PTGER3: variants seen among roughly 807,000 people sequenced by gnomAD.
PTGER3 encodes prostaglandin E receptor 3, also known as prostaglandin E2 receptor EP3 subtype.
In PTGER3, 22 loss-of-function variants were observed where a neutral mutation model predicts 34.7. The ratio of observed to expected loss-of-function variants is 0.63; its 90% CI spans 0.45 to 0.91. The LOEUF (loss-of-function observed/expected upper bound fraction) is 0.91, where lower values mean the gene tolerates loss of function less well. Ranked by LOEUF, PTGER3 falls within the 40% of genes least tolerant of loss-of-function variation. The probability of loss-of-function intolerance (pLI) is 0.00; values close to 1 mark genes in which losing one functional copy is unlikely to be tolerated. For synonymous variants in PTGER3, 241 were observed against 230.1 expected, an observed-to-expected ratio of 1.05 and a Z score of -0.43; for missense variants, 468 against 519.4, an observed-to-expected ratio of 0.90 and a Z score of 0.96.
intron 4 of PTGER3, among the ~76,000 whole-genome samples, chr1:70,872,777 C>T (rs1156345619): frequency 6.6e-6 from 1 of 152,198 alleles, no homozygotes; most frequent in Non-Finnish European, 1.5e-5. Flanking sequence ...ACTACTGGGA[C>T]TTGCCACACC....
chr1:70,858,706 T>A (rs1207962544), intron 4 of PTGER3, among the ~76,000 whole-genome samples: 1 of 152,174 alleles, frequency 6.6e-6, no homozygotes, highest in Non-Finnish European at 1.5e-5. Flanking sequence ...AACATTTTTA[T>A]CAATATGCCC....
chr1:70,858,803 A>T (rs1645865819), intron 4 of PTGER3, among the ~76,000 whole-genome samples: 1 of 152,240 alleles, frequency 6.6e-6, no homozygotes, highest in East Asian at 1.9e-4. Context: ...TAGAGGTAAT[A>T]TCTGTTTCAA....
intron 1 of PTGER3, among the ~76,000 whole-genome samples, chr1:71,036,211 C>T (rs150212722): frequency 1.2e-3 from 181 of 152,238 alleles, no homozygotes; most frequent in Non-Finnish European, 2.1e-3. Context: ...GTAGATGGTG[C>T]TTAAGGGGCC....
At chr1:70,872,648 A>G (rs1346244699) in intron 4 of PTGER3, among the ~76,000 whole-genome samples, 1 of 152,230 alleles carries the variant, frequency 6.6e-6, no homozygotes, top group Non-Finnish European at 1.5e-5. Flanking sequence ...TTTGTGTAGC[A>G]TATATGACAT....
chr1:70,953,046 A>ACTAATT lies in PTGER3; in HGVS notation c.1117_1118insAATTAG (p.Leu373delinsTer), dbSNP rs1439046019. On this transcript the variant is annotated stop_gained, in exon 4 of 4. Coordinates refer to the PTGER3 transcript ENST00000356595. LOFTEE classifies it low-confidence loss of function (END_TRUNC). ...TGCCCTCTGTATCTGAGAGTTCTGCAAACTGCAGATTAACTAACCACAGAT... is the reference window on the plus strand; with the variant it reads ...TGCCCTCTGTATCTGAGAGTTCTGCACTAATTAACTGCAGATTAACTAACCACAGAT... 6.2e-7 allele frequency: 1 copy of ACTAATT among 1,601,184 alleles called. No individual in the cohort carries two copies. Among genetic ancestry groups the ACTAATT allele is most frequent in the Non-Finnish European group, 8.5e-7 (1 of 1,173,426 alleles).
intron 4 of PTGER3, among the ~76,000 whole-genome samples, chr1:70,888,157 A>AGCAGAC (rs111948036): frequency 5.3e-4 from 80 of 152,328 alleles, no homozygotes; most frequent in African/African-American, 1.9e-3. Flanking sequence ...AAGCCCTCTT[A>AGCAGAC]GCAGACGTAG....
At chr1:70,919,731 A>G (rs1422046458) in intron 4 of PTGER3, among the ~76,000 whole-genome samples, 1 of 152,146 alleles carries the variant, frequency 6.6e-6, no homozygotes, top group Non-Finnish European at 1.5e-5. Context: ...AGATATGGCC[A>G]TTGCTTACTG....
At position 71,033,289 on chromosome 1, in the gene PTGER3, T is replaced by C. The variant is rs371121028; in HGVS notation, c.897+13392A>G. Among the ~76,000 whole-genome samples, 4 of 152,314 alleles carry C rather than the reference T, an allele frequency of 2.6e-5. No homozygotes were observed. In the East Asian group the frequency reaches 5.8e-4, roughly 22 times the overall value. ...AACTGTCTCCAAAACACTATGTCAA[T>C]ATGGGTACTTCACTCCAATCCCAGT... On this transcript the variant is annotated intron_variant, in intron 1 of 3. Coordinates refer to ENST00000306666, the MANE Select transcript of PTGER3 (RefSeq NM_198719.2).
intron 2 of PTGER3, among the ~76,000 whole-genome samples, chr1:70,987,106 G>A (rs749001643): frequency 5.4e-4 from 82 of 152,248 alleles, no homozygotes; most frequent in African/African-American, 1.8e-3. Flanking sequence ...GACTCTAAGA[G>A]CCAAACAGAT....
chr1:70,874,290 C>A (rs7543182), intron 4 of PTGER3, among the ~76,000 whole-genome samples: 28,360 of 152,040 alleles, frequency 0.19, 3,441 homozygotes, highest in Admixed American at 0.34. Context: ...GCTTCCCCAC[C>A]CTTCAGGACC....
chr1:70,969,794 T>C (rs1202845011), downstream of PTGER3, among the ~76,000 whole-genome samples: 1 of 152,184 alleles, frequency 6.6e-6, no homozygotes, highest in African/African-American at 2.4e-5. Context: ...AGCCGGTTTA[T>C]AGTTGAAATT....
intron 4 of PTGER3, among the ~76,000 whole-genome samples, chr1:70,911,838 A>G (rs1647068723): frequency 6.6e-6 from 1 of 152,198 alleles, no homozygotes; most frequent in Non-Finnish European, 1.5e-5. Context: ...ATAAATGTTT[A>G]TAATCATTTT....
chr1:70,908,015 T>C (rs1646984981), intron 4 of PTGER3, among the ~76,000 whole-genome samples: 1 of 152,186 alleles, frequency 6.6e-6, no homozygotes, highest in Non-Finnish European at 1.5e-5. Flanking sequence ...TCTCTGACCA[T>C]ATTGTCTCTC....
chr1:70,998,586 G>A (rs976749581), intron 2 of PTGER3, among the ~76,000 whole-genome samples: 6 of 152,156 alleles, frequency 3.9e-5, no homozygotes, highest in African/African-American at 1.4e-4. Context: ...CATCACTTGG[G>A]AAGTAACAGC....
intron 2 of PTGER3, among the ~76,000 whole-genome samples, chr1:70,990,900 G>A (rs1655415135): frequency 6.6e-6 from 1 of 152,146 alleles, no homozygotes; most frequent in Admixed American, 6.5e-5. Context: ...AATGAAAAAT[G>A]CTACAATTCC....
At chr1:70,989,356 G>C (rs1164048564) in intron 2 of PTGER3, among the ~76,000 whole-genome samples, 1 of 152,110 alleles carries the variant, frequency 6.6e-6, no homozygotes. Context: ...AATCATTTTG[G>C]TGCTCACTTA....
intron 3 of PTGER3, 90 bp from the exon 4 acceptor site, chr1:70,971,823 GT>G: frequency 1.2e-6 from 1 of 837,096 alleles, no homozygotes. Context: ...TAAAATATAA[GT>G]AATAAATTTG....
chr1:70,859,901 C>G (rs893193523), intron 4 of PTGER3, among the ~76,000 whole-genome samples: 1 of 152,068 alleles, frequency 6.6e-6, no homozygotes, highest in Non-Finnish European at 1.5e-5. Context: ...ATAGAACTTA[C>G]TATTTGGTTA....
chr1:70,877,831 G>T (rs907102833), intron 4 of PTGER3, among the ~76,000 whole-genome samples: 16 of 152,124 alleles, frequency 1.1e-4, no homozygotes, highest in Non-Finnish European at 2.2e-4. Context: ...GTTTTGTTGT[G>T]CTGCTGGATT....
Sources: gnomAD v4.1 joint callset for allele counts (sites outside exome capture counted in the v4.1 genomes callset) on GRCh38, gnomAD v4.1.1 for gene constraint, MANE v1.5 for transcripts, NCBI Gene and HGNC (gene_info 2026-07-23, HGNC 2026-07-21) for gene names.